PDLIM3: variants seen among roughly 807,000 people sequenced by gnomAD.
PDLIM3 encodes the protein PDZ and LIM domain protein 3.
PDLIM3 carries 36 observed loss-of-function variants against 37.3 expected under a neutral mutation model. That is an observed-to-expected ratio of 0.97 (90% CI 0.74 to 1.28). PDLIM3 has a LOEUF of 1.28. Ranked by LOEUF, PDLIM3 falls within the 50% of genes most tolerant of loss-of-function variation. PDLIM3 has a pLI of 0.00. For missense variants in PDLIM3, 454 were observed against 485.0 expected, an observed-to-expected ratio of 0.94 and a Z score of 0.60; for synonymous variants, 174 against 182.4, an observed-to-expected ratio of 0.95 and a Z score of 0.37.
chr4:185,508,518 C>G lies in PDLIM3; in HGVS notation c.443G>C (p.Ser148Thr). Residue 148 changes from serine to threonine, a missense_variant, in exon 5 of 8, where the codon AGC becomes ACC. Coordinates refer to ENST00000284767, the MANE Select transcript of PDLIM3 (RefSeq NM_014476.6). ...PSGIDCGSGR[S>T]TPSSVSTVST... is the part of the protein sequence containing the mutation. ...AACAGTACTGACAGAAGAAGGGGTGCTGCGTCCACTGCCACAGTCAATCCC... is the reference window on the plus strand; with the variant it reads ...AACAGTACTGACAGAAGAAGGGGTGGTGCGTCCACTGCCACAGTCAATCCC... The G allele has an allele frequency of 6.2e-7, 1 of 1,614,108 alleles. No homozygotes were observed. The highest frequency in any genetic ancestry group is 8.5e-7 in the Non-Finnish European group (1 of 1,179,972).
chr4:185,534,806 T>C (rs1019641417), intron 1 of PDLIM3, among the ~76,000 whole-genome samples: 4 of 152,194 alleles, frequency 2.6e-5, no homozygotes, highest in East Asian at 1.9e-4. Flanking sequence ...TCTGGGCTGA[T>C]AGGAGCGGCT....
At chr4:185,532,460 G>A (rs1413735061) in intron 1 of PDLIM3, among the ~76,000 whole-genome samples, 1 of 152,184 alleles carries the variant, frequency 6.6e-6, no homozygotes, top group East Asian at 1.9e-4. Flanking sequence ...CTGAAAGAAG[G>A]CTTGGGGAGA....
chr4:185,529,257 C>T (rs563830037), intron 1 of PDLIM3, among the ~76,000 whole-genome samples: 19 of 152,282 alleles, frequency 1.2e-4, no homozygotes, highest in Admixed American at 7.8e-4. Flanking sequence ...GGAATTTATG[C>T]TTTCAACAAG....
chr4:185,523,300 G>A, intron 3 of PDLIM3, 62 bp downstream of exon 3: 1 of 1,165,826 alleles, frequency 8.6e-7, no homozygotes, highest in East Asian at 2.3e-5. Flanking sequence ...TCCTCCCCTT[G>A]GAAGGCATCC....
rs762986959 is a variant in PDLIM3 at position 185,502,352 on chromosome 4, C to T, written c.1037G>A (p.Arg346Lys). 12 of 1,614,126 alleles carry T rather than the reference C, an allele frequency of 7.4e-6. No individual in the cohort carries two copies. The African/African-American group carries it at 1.1e-4, about 14-fold the overall frequency. Residue 346 changes from arginine to lysine, a missense_variant, in exon 8 of 8, where the codon AGA becomes AAA. Transcript: ENST00000284767. Reference sequence around the variant, plus strand: ...GCCCTCTGGGGGCTTTGTGCGGGCTCTTGCGTGGGTTTCGCAGTACAGCTC... The same window carrying T: ...GCCCTCTGGGGGCTTTGTGCGGGCTTTTGCGTGGGTTTCGCAGTACAGCTC... ...EGELYCETHA[R>K]ARTKPPEGYD...
chr4:185,514,515 G>T lies in PDLIM3; in HGVS notation c.331-178C>A. On this transcript the variant is annotated intron_variant, in intron 3 of 7. Coordinates refer to ENST00000284767, the MANE Select transcript of PDLIM3 (RefSeq NM_014476.6). The surrounding 1 kb of genome is among the most constrained non-coding windows in gnomAD (Gnocchi z 4.0). ...TTTCCAACCATCTATCCGCTAAACG[G>T]TCAGGCACTGGCGGATTGGACCCCA... 1 of 1,374,680 alleles carries T rather than the reference G, an allele frequency of 7.3e-7. No individual in the cohort carries two copies. Among genetic ancestry groups the T allele is most frequent in the South Asian group, 1.3e-5 (1 of 78,036 alleles). 85.2% of individuals were successfully genotyped at this position (1,374,680 alleles called of 1,614,324 possible).
At chr4:185,503,236 C>T (rs200237872) in intron 7 of PDLIM3, among the ~76,000 whole-genome samples, 6 of 50,182 alleles carry the variant, frequency 1.2e-4, no homozygotes, top group East Asian at 1.5e-3. Context: ...ACAACAACAA[C>T]AATAACAACA....
In PDLIM3 at chr4:185,504,350, C is replaced by T. The variant is rs185442289; in HGVS notation, c.905+125G>A. ...AATGTGCTAAATGTTGGGGACCTTA[C>T]GTTTCAAGTTGATGAATAGAAATTT... On this transcript the variant is annotated intron_variant, in intron 7 of 7. Transcript: ENST00000284767. This position sits in a 1 kb window ranked among gnomAD's most constrained non-coding sequence, Gnocchi z 4.7. 3.1e-5 allele frequency: 23 copies of T among 751,426 alleles called. No individual in the cohort carries two copies. Among genetic ancestry groups the T allele is most frequent in the South Asian group, 2.1e-4 (14 of 67,558 alleles). The allele number at this position is 751,426 out of a possible 1,614,324, so 46.5% of individuals were successfully genotyped here.
Position 185,522,481 on chromosome 4 carries a change from A to C in PDLIM3, c.330+881T>G, listed in dbSNP as rs1208590577. 6.0e-5 allele frequency among the ~76,000 whole-genome samples: 4 copies of C among 66,810 alleles called. 2 individuals carry two copies. The highest frequency in any genetic ancestry group is 2.5e-4 in the Non-Finnish European group (4 of 16,202). 43.8% of individuals were successfully genotyped at this position (66,810 alleles called of 152,430 possible). A position where few individuals can be genotyped will look rare whatever the true frequency, so the allele number is the denominator to read the frequency against. ...ACAAATTCAGGAGTTGATTTTCTTG[A>C]AAGGGGAAATACTGCTAAACATAAA... On this transcript the variant is annotated intron_variant, in intron 3 of 7. Transcript: ENST00000284767.
chr4:185,524,919 G>T (rs1189194941), intron 2 of PDLIM3, 101 bp downstream of exon 2: 1 of 1,155,576 alleles, frequency 8.7e-7, no homozygotes. Context: ...AAAATACTAG[G>T]TCTGTGGCCC....
intron 2 of PDLIM3, 56 bp downstream of exon 2, chr4:185,524,963 TG>T: frequency 6.4e-7 from 1 of 1,564,720 alleles, no homozygotes; most frequent in Non-Finnish European, 8.8e-7. Flanking sequence ...TTTATAGTTC[TG>T]GTTCAGGTTC....
At position 185,514,719 on chromosome 4, in the gene PDLIM3, G is replaced by C. The variant is rs1374023767; in HGVS notation, c.331-382C>G. The stretch of plus-strand genomic sequence containing the variant: ...GATACTTACTTTTGAGGTGAGCTAG[G>C]AATGAGACCCCGCAGCTGTCCGTGA... On this transcript the variant is annotated intron_variant, in intron 3 of 7. Coordinates refer to ENST00000284767, the MANE Select transcript of PDLIM3 (RefSeq NM_014476.6). This position sits in a 1 kb window ranked among gnomAD's most constrained non-coding sequence, Gnocchi z 4.0. The C allele has an allele frequency of 1.0e-5, 16 of 1,552,116 alleles. No individual in the cohort carries two copies. Among genetic ancestry groups the C allele is most frequent in the Non-Finnish European group, 1.4e-5 (16 of 1,147,076 alleles).
chr4:185,514,022 C>A lies in PDLIM3; in HGVS notation c.398+248G>T. ...GGATCCCCAGAGCCTCAGGGGTGTT[C>A]GCTATAAATACACGTGGTGATTGCA... is the stretch of plus-strand genomic sequence containing the variant. On this transcript the variant is annotated intron_variant, in intron 4 of 7. Coordinates refer to ENST00000284767, the MANE Select transcript of PDLIM3 (RefSeq NM_014476.6). This position sits in a 1 kb window ranked among gnomAD's most constrained non-coding sequence, Gnocchi z 4.0. The A allele has an allele frequency of 1.5e-6, 2 of 1,368,984 alleles. No individual in the cohort carries two copies. The highest frequency in any genetic ancestry group is 1.9e-6 in the Non-Finnish European group (2 of 1,057,476). The allele number at this position is 1,368,984 out of a possible 1,614,324, so 84.8% of individuals were successfully genotyped here. A position where few individuals can be genotyped will look rare whatever the true frequency, so the allele number is the denominator to read the frequency against.
At chr4:185,502,992 C>A (rs976670002) in intron 7 of PDLIM3, among the ~76,000 whole-genome samples, 3 of 152,126 alleles carry the variant, frequency 2.0e-5, no homozygotes, top group African/African-American at 7.2e-5. Context: ...CTTTGAGAGG[C>A]CAAGGCGGGC....
At chr4:185,527,291 T>C (rs564899152) in intron 1 of PDLIM3, among the ~76,000 whole-genome samples, 2 of 152,376 alleles carry the variant, frequency 1.3e-5, no homozygotes, top group African/African-American at 4.8e-5. Context: ...TAATGCTTTA[T>C]TTAGGGATCA....
At chr4:185,525,919 G>A (rs1349287041) in intron 1 of PDLIM3, among the ~76,000 whole-genome samples, 1 of 152,188 alleles carries the variant, frequency 6.6e-6, no homozygotes, top group Non-Finnish European at 1.5e-5. Context: ...ATAAATTTAT[G>A]TTACTTATAA....
chr4:185,514,240 T>C lies in PDLIM3; in HGVS notation c.398+30A>G, dbSNP rs774172717. On this transcript the variant is annotated intron_variant, in intron 4 of 7. Coordinates refer to ENST00000284767, the MANE Select transcript of PDLIM3 (RefSeq NM_014476.6). This position sits in a 1 kb window ranked among gnomAD's most constrained non-coding sequence, Gnocchi z 4.0. ...AAGAACTGATTTAAGAAGCATGCAC[T>C]GCAAACTCCACAGTCTCAGCGCTTA... The C allele has an allele frequency of 2.5e-6, 4 of 1,614,224 alleles. No homozygotes were observed. The highest frequency in any genetic ancestry group is 1.3e-5 in the African/African-American group (1 of 75,056).
At chr4:185,519,749 T>C (rs1175815955) in intron 3 of PDLIM3, among the ~76,000 whole-genome samples, 4 of 152,186 alleles carry the variant, frequency 2.6e-5, no homozygotes. Flanking sequence ...TATAGTTTTT[T>C]CCCCAATAAG....
At chr4:185,505,576 G>C (rs2095695311) in intron 6 of PDLIM3, among the ~76,000 whole-genome samples, 1 of 151,398 alleles carries the variant, frequency 6.6e-6, no homozygotes, top group African/African-American at 2.4e-5. Flanking sequence ...AGCCAAGATT[G>C]TGCCACTCAC....
Sources: gnomAD v4.1 joint callset for allele counts (sites outside exome capture counted in the v4.1 genomes callset) on GRCh38, gnomAD v4.1.1 for gene constraint, Gnocchi (gnomAD v3.1) non-coding constraint, MANE v1.5 for transcripts, NCBI Gene and HGNC (gene_info 2026-07-23, HGNC 2026-07-21) for gene names.